VAT1L: variants seen among roughly 807,000 people sequenced by gnomAD.
The protein encoded by VAT1L is putative NADPH-dependent quinone oxidoreductase VAT1L.
Under a neutral mutation model 44.1 loss-of-function variants are expected in VAT1L, and 34 were observed. The observed-to-expected ratio is 0.77, with a 90% CI of 0.59 to 1.03. VAT1L has a LOEUF of 1.03. Among genes scored for constraint, VAT1L ranks in the 50% least tolerant of loss-of-function variants. The probability of loss-of-function intolerance (pLI) is 0.00; values close to 1 mark genes in which losing one functional copy is unlikely to be tolerated. For missense variants in VAT1L, 615 were observed against 538.8 expected, an observed-to-expected ratio of 1.14 and a Z score of -1.40; for synonymous variants, 253 against 202.2, an observed-to-expected ratio of 1.25 and a Z score of -2.13.
intron 7 of VAT1L, among the ~76,000 whole-genome samples, chr16:77,919,991 C>T (rs1365791083): frequency 6.6e-6 from 1 of 151,954 alleles, no homozygotes; most frequent in Non-Finnish European, 1.5e-5. Flanking sequence ...GTCTGACATA[C>T]GAGAATTGCT....
At chr16:77,954,057 A>G (rs562445979) in intron 7 of VAT1L, among the ~76,000 whole-genome samples, 4 of 152,258 alleles carry the variant, frequency 2.6e-5, no homozygotes, top group Middle Eastern at 3.4e-3. Context: ...CGTCCCTGAA[A>G]CCATCAGCAG....
chr16:77,952,998 T>A (rs1374219956), intron 7 of VAT1L, among the ~76,000 whole-genome samples: 1 of 151,706 alleles, frequency 6.6e-6, no homozygotes, highest in African/African-American at 2.4e-5. Context: ...ACATTGCAGA[T>A]ATTTAAAACG....
chr16:77,823,455 A>G (rs538187947), intron 2 of VAT1L, among the ~76,000 whole-genome samples: 80 of 152,272 alleles, frequency 5.3e-4, no homozygotes, highest in African/African-American at 1.6e-3. Flanking sequence ...CAGTGCCTAG[A>G]ACCTAAGATC....
chr16:77,922,191 G>A (rs980265164), intron 7 of VAT1L, among the ~76,000 whole-genome samples: 1 of 152,138 alleles, frequency 6.6e-6, no homozygotes, highest in African/African-American at 2.4e-5. Flanking sequence ...GGCGGGGGTG[G>A]AGGGGCAGTG....
At chr16:77,849,174 G>A (rs1037309781) in intron 3 of VAT1L, among the ~76,000 whole-genome samples, 7 of 152,078 alleles carry the variant, frequency 4.6e-5, no homozygotes, top group Non-Finnish European at 1.0e-4. Context: ...ATGTATCCCA[G>A]AACTTAAAGT....
At chr16:77,816,603 G>C (rs544888112) in intron 1 of VAT1L, among the ~76,000 whole-genome samples, 1 of 152,268 alleles carries the variant, frequency 6.6e-6, no homozygotes, top group Admixed American at 6.5e-5. Flanking sequence ...TATGTTTTTA[G>C]AGTAAGCATA....
chr16:77,892,023 G>C (rs2017271801), intron 7 of VAT1L, among the ~76,000 whole-genome samples: 1 of 152,212 alleles, frequency 6.6e-6, no homozygotes, highest in Admixed American at 6.5e-5. Flanking sequence ...AGTGAGCTGA[G>C]ATCCCGCCAC....
intron 8 of VAT1L, among the ~76,000 whole-genome samples, chr16:77,974,996 G>C (rs1362233648): frequency 6.6e-6 from 1 of 152,036 alleles, no homozygotes; most frequent in Non-Finnish European, 1.5e-5. Flanking sequence ...TTGAAGGAAA[G>C]GGAGCATGTC....
intron 7 of VAT1L, among the ~76,000 whole-genome samples, chr16:77,917,273 C>T (rs1000363592): frequency 5.9e-5 from 9 of 152,028 alleles, no homozygotes; most frequent in South Asian, 2.1e-4. Flanking sequence ...TTGGAAGCAA[C>T]GAAAAAGGAA....
At chr16:77,960,974 A>G (rs774138868) in intron 7 of VAT1L, among the ~76,000 whole-genome samples, 97 of 152,266 alleles carry the variant, frequency 6.4e-4, no homozygotes, top group Admixed American at 8.5e-4. Context: ...GCATGAGTTC[A>G]GCTCCAATGG....
chr16:77,941,082 T>C (rs1368787005), intron 7 of VAT1L, among the ~76,000 whole-genome samples: 7 of 152,142 alleles, frequency 4.6e-5, no homozygotes, highest in Admixed American at 1.3e-4. Flanking sequence ...ATAATACTGA[T>C]TTTTTTCCCA....
chr16:77,886,517 T>C (rs2017211061), intron 7 of VAT1L, among the ~76,000 whole-genome samples: 1 of 152,206 alleles, frequency 6.6e-6, no homozygotes. Flanking sequence ...GGGTTCTTGT[T>C]CTAGTATTTG....
chr16:77,910,604 G>T (rs1004598632), intron 7 of VAT1L, among the ~76,000 whole-genome samples: 3 of 150,578 alleles, frequency 2.0e-5, no homozygotes, highest in African/African-American at 7.3e-5. Flanking sequence ...AACCCGGGAG[G>T]TGGAGCTTGC....
chr16:77,926,747 C>G (rs778256822), intron 7 of VAT1L, among the ~76,000 whole-genome samples: 1 of 152,192 alleles, frequency 6.6e-6, no homozygotes, highest in Non-Finnish European at 1.5e-5. Flanking sequence ...GAGCAAATCA[C>G]TGCCCCCTCT....
intron 3 of VAT1L, among the ~76,000 whole-genome samples, chr16:77,839,431 G>A (rs1161285986): frequency 1.3e-5 from 2 of 150,464 alleles, no homozygotes; most frequent in African/African-American, 4.9e-5. Context: ...AGCTACTCAG[G>A]AGGCTGAGGC....
Position 77,825,256 on chromosome 16 carries a change from G to A in VAT1L, c.374G>A (p.Arg125His), listed in dbSNP as rs150049919. ...DSVKGYEIGDRVMAFVNYNAW... is the reference protein window; with the variant it reads ...DSVKGYEIGDHVMAFVNYNAW... Reference sequence around the variant, plus strand: ...TTTCCCCATGCCCAGATTGGAGACCGTGTCATGGCATTTGTCAATTACAAT... The same window carrying A: ...TTTCCCCATGCCCAGATTGGAGACCATGTCATGGCATTTGTCAATTACAAT... The change falls in exon 3 of 9, where the codon CGT becomes CAT. Residue 125 changes from arginine to histidine, a missense_variant. Arg to His is a conservative substitution (Grantham distance 29). Transcript: ENST00000302536. 533 of 1,614,072 alleles carry A rather than the reference G, an allele frequency of 3.3e-4. 6 individuals are homozygous for A. The East Asian group carries it at 9.5e-3, about 29-fold the overall frequency.
intron 3 of VAT1L, among the ~76,000 whole-genome samples, chr16:77,856,103 T>G (rs545212910): frequency 4.6e-5 from 7 of 152,030 alleles, no homozygotes; most frequent in Non-Finnish European, 1.0e-4. Flanking sequence ...ATTCAAAGGA[T>G]ATAAGGAATA....
At chr16:77,809,826 T>A (rs777340879) in intron 1 of VAT1L, among the ~76,000 whole-genome samples, 2 of 152,178 alleles carry the variant, frequency 1.3e-5, no homozygotes, top group African/African-American at 4.8e-5. Flanking sequence ...TGTCAGCTAG[T>A]CTTGTGTTTT....
intron 7 of VAT1L, among the ~76,000 whole-genome samples, chr16:77,894,164 G>A (rs1250187038): frequency 6.6e-5 from 10 of 152,128 alleles, no homozygotes; most frequent in East Asian, 1.9e-4. Context: ...TACAACCCCC[G>A]CTTTATTCCT....
Sources: allele counts gnomAD v4.1 joint callset (sites outside exome capture counted in the v4.1 genomes callset), GRCh38; gene constraint gnomAD v4.1.1; transcripts MANE v1.5; gene names NCBI Gene and HGNC (gene_info 2026-07-23, HGNC 2026-07-21).